The following ATXN7L1 variants were observed in gnomAD, a reference collection of about 807,000 sequenced individuals.
ATXN7L1 encodes the protein ataxin 7 like 1.
A neutral mutation model predicts 70.8 loss-of-function variants in ATXN7L1; 15 were observed. That is an observed-to-expected ratio of 0.21 (90% CI 0.14 to 0.33). ATXN7L1 has a LOEUF of 0.33. ATXN7L1 is among the 10% of genes least tolerant of loss of function. The pLI is 1.00. For missense variants in ATXN7L1, 975 were observed against 1,097.1 expected (o/e 0.89, Z 1.57); for synonymous variants, 440 against 445.1 (o/e 0.99, Z 0.14).
intron 3 of ATXN7L1, among the ~76,000 whole-genome samples, chr7:105,727,765 T>TACATAC (rs1554442511): frequency 1.1e-5 from 1 of 92,656 alleles, no homozygotes; most frequent in Non-Finnish European, 2.1e-5. Context: ...TATATATATA[T>TACATAC]ATATATATAT....
At position 105,614,629 on chromosome 7, in the gene ATXN7L1, C is replaced by T. The variant is rs901863832; in HGVS notation, c.1705G>A (p.Val569Met). 72 of 1,551,510 alleles carry T rather than the reference C, an allele frequency of 4.6e-5. No homozygotes were observed. Among genetic ancestry groups the T allele is most frequent in the Non-Finnish European group, 5.5e-5 (63 of 1,147,010 alleles). Residue 569 changes from valine to methionine, a missense_variant, in exon 10 of 12, where the codon GTG (valine) becomes ATG (methionine). Around this residue, in one of 5 missense-constraint regions of ATXN7L1, gnomAD observed 635 missense variants for 699.4 expected, o/e 0.91. Coordinates refer to ENST00000419735, the MANE Select transcript of ATXN7L1 (RefSeq NM_020725.2). This position sits in a 1 kb window ranked among gnomAD's most constrained non-coding sequence, Gnocchi z 4.3. Reference sequence around the variant, plus strand: ...AGGGCGCTCGGGTCCGGCGATGTCACGAAAGCTGCGTTTGAGAGCATGGCT... The same window carrying T: ...AGGGCGCTCGGGTCCGGCGATGTCATGAAAGCTGCGTTTGAGAGCATGGCT... ...TSAMLSNAAF[V>M]TSPDPSALMS... is the part of the protein sequence containing the mutation.
intron 3 of ATXN7L1, among the ~76,000 whole-genome samples, chr7:105,669,235 C>T (rs1803144046): frequency 6.6e-6 from 1 of 152,172 alleles, no homozygotes; most frequent in Non-Finnish European, 1.5e-5. Context: ...GTACGCACCA[C>T]CATGCCTGAC....
At chr7:105,631,972 G>C (rs575722873) in intron 7 of ATXN7L1, among the ~76,000 whole-genome samples, 1 of 152,284 alleles carries the variant, frequency 6.6e-6, no homozygotes, top group South Asian at 2.1e-4. Context: ...TTCTATCTTT[G>C]AGAAACTGAA....
chr7:105,696,455 A>T (rs757840342), intron 3 of ATXN7L1, among the ~76,000 whole-genome samples: 47 of 152,228 alleles, frequency 3.1e-4, no homozygotes, highest in Non-Finnish European at 6.3e-4. Flanking sequence ...TTCTTTGATC[A>T]TAGAGCCCCA....
chr7:105,754,881 A>G (rs936492178), intron 3 of ATXN7L1, among the ~76,000 whole-genome samples: 1 of 152,220 alleles, frequency 6.6e-6, no homozygotes, highest in African/African-American at 2.4e-5. Context: ...CATGGGGTGG[A>G]ATCTGGCCTG....
chr7:105,811,428 A>G (rs775510304), intron 2 of ATXN7L1, among the ~76,000 whole-genome samples: 2 of 152,172 alleles, frequency 1.3e-5, no homozygotes, highest in African/African-American at 2.4e-5. Flanking sequence ...GAGAGAATGA[A>G]TTTCTGTTAT....
chr7:105,610,670 C>T (rs1203767677), intron 10 of ATXN7L1, 67 bp from the exon 11 acceptor site: 1 of 1,370,222 alleles, frequency 7.3e-7, no homozygotes, highest in Non-Finnish European at 1.0e-6. Flanking sequence ...GCCGATGCCA[C>T]ATGTTCTAGG....
At chr7:105,694,840 T>C (rs1450054063) in intron 3 of ATXN7L1, among the ~76,000 whole-genome samples, 1 of 152,126 alleles carries the variant, frequency 6.6e-6, no homozygotes. Context: ...AAAAGGCCAA[T>C]GGAGTTGTTT....
rs534509885 is a variant in ATXN7L1 at position 105,787,755 on chromosome 7, G to A, written c.355+849C>T. On this transcript the variant is annotated intron_variant, in intron 3 of 11. Transcript: ENST00000419735. ...TTTTAGGCACAATAGAATGTACTTC[G>A]AAACCTTAATGGTAAGGAGGGCATT... 1.6e-3 allele frequency among the ~76,000 whole-genome samples: 251 copies of A among 152,222 alleles called. 1 individual carries two copies. The highest frequency in any genetic ancestry group is 6.8e-3 in the Middle Eastern group (2 of 294).
intron 2 of ATXN7L1, among the ~76,000 whole-genome samples, chr7:105,808,076 C>T (rs1807880018): frequency 6.6e-6 from 1 of 152,140 alleles, no homozygotes; most frequent in Non-Finnish European, 1.5e-5. Flanking sequence ...CAGCACTGTC[C>T]TTGGCCTGGA....
intron 3 of ATXN7L1, among the ~76,000 whole-genome samples, chr7:105,725,139 G>C (rs1795656736): frequency 6.6e-6 from 1 of 152,068 alleles, no homozygotes; most frequent in East Asian, 1.9e-4. Context: ...CTATCTTTTT[G>C]GGAAGACACA....
At chr7:105,628,281 A>T (rs1796039514) in intron 7 of ATXN7L1, among the ~76,000 whole-genome samples, 1 of 152,208 alleles carries the variant, frequency 6.6e-6, no homozygotes, top group Non-Finnish European at 1.5e-5. Context: ...TAACTGTTAA[A>T]GCAAGACCTG....
chr7:105,701,451 C>T (rs993331779), intron 3 of ATXN7L1, among the ~76,000 whole-genome samples: 2 of 152,132 alleles, frequency 1.3e-5, no homozygotes, highest in Non-Finnish European at 2.9e-5. Flanking sequence ...CATGGAAATA[C>T]TTATTTTCTT....
intron 4 of ATXN7L1, among the ~76,000 whole-genome samples, chr7:105,664,379 G>A (rs1403584650): frequency 6.6e-6 from 1 of 150,934 alleles, no homozygotes; most frequent in African/African-American, 2.4e-5. Flanking sequence ...CAACTCTCAA[G>A]AGAATTAAAA....
intron 2 of ATXN7L1, among the ~76,000 whole-genome samples, chr7:105,790,764 T>C (rs1188953455): frequency 1.3e-5 from 2 of 151,678 alleles, no homozygotes; most frequent in African/African-American, 4.9e-5. Flanking sequence ...TCACATCTTG[T>C]GCACCATCGG....
At chr7:105,824,024 G>A (rs888159048) in intron 2 of ATXN7L1, among the ~76,000 whole-genome samples, 3 of 152,110 alleles carry the variant, frequency 2.0e-5, no homozygotes, top group African/African-American at 7.2e-5. Flanking sequence ...GGGGTGATGG[G>A]CAGGCTAAAC....
chr7:105,681,485 G>A (rs1743041576), intron 3 of ATXN7L1, among the ~76,000 whole-genome samples: 1 of 152,172 alleles, frequency 6.6e-6, no homozygotes, highest in Non-Finnish European at 1.5e-5. Context: ...CTATGAAGAA[G>A]AGTATGGCGG....
chr7:105,803,160 C>G (rs1443716706), intron 2 of ATXN7L1, among the ~76,000 whole-genome samples: 1 of 152,270 alleles, frequency 6.6e-6, no homozygotes, highest in Non-Finnish European at 1.5e-5. Context: ...ATGCAACACA[C>G]GGGCTTCACT....
At chr7:105,868,253 C>T (rs927877431) in intron 2 of ATXN7L1, among the ~76,000 whole-genome samples, 1 of 152,190 alleles carries the variant, frequency 6.6e-6, no homozygotes. Flanking sequence ...CTGAGTTTCC[C>T]TATCAGAGCA....
Sources: allele counts gnomAD v4.1 joint callset (sites outside exome capture counted in the v4.1 genomes callset), GRCh38; gene constraint gnomAD v4.1.1; regional missense constraint gnomAD v4.1.1; non-coding constraint Gnocchi (gnomAD v3.1); transcripts MANE v1.5; gene names NCBI Gene and HGNC (gene_info 2026-07-23, HGNC 2026-07-21).